Variants in ZNF618 observed in about 807,000 individuals in gnomAD.
ZNF618 encodes neural precursor cell expressed, developmentally down-regulated 10.
ZNF618 carries 34 observed loss-of-function variants against 103.0 expected under a neutral mutation model. The ratio of observed to expected loss-of-function variants is 0.33; its 90% confidence interval spans 0.25 to 0.44. The LOEUF (loss-of-function observed/expected upper bound fraction) is 0.44, where lower values mean the gene tolerates loss of function less well. Among genes scored for constraint, ZNF618 ranks in the 20% least tolerant of loss-of-function variants. The pLI, the probability that ZNF618 is intolerant of heterozygous loss-of-function variation, is 1.00. For missense variants in ZNF618, 1,059 were observed against 1,295.4 expected (o/e 0.82, Z 2.80); for synonymous variants, 551 against 542.2 (o/e 1.02, Z -0.23).
chr9:113,910,105 C>A (rs536313077), intron 1 of ZNF618, among the ~76,000 whole-genome samples: 1 of 152,014 alleles, frequency 6.6e-6, no homozygotes, highest in Admixed American at 6.6e-5. Flanking sequence ...ATGAACTCAC[C>A]ACTCCCCGCC....
At chr9:114,006,273 CAG>C (rs1289271519) in intron 6 of ZNF618, among the ~76,000 whole-genome samples, 2 of 152,228 alleles carry the variant, frequency 1.3e-5, no homozygotes, top group South Asian at 2.1e-4. Context: ...CTTATTCAGA[CAG>C]AGAAGGGCCA....
intron 6 of ZNF618, among the ~76,000 whole-genome samples, chr9:114,004,575 G>A (rs1198934532): frequency 6.6e-6 from 1 of 152,212 alleles, no homozygotes; most frequent in Non-Finnish European, 1.5e-5. Context: ...CTGTAGCGGG[G>A]GTATTTTTAG....
At chr9:114,021,864 C>T (rs1375106623) in intron 10 of ZNF618, among the ~76,000 whole-genome samples, 2 of 152,062 alleles carry the variant, frequency 1.3e-5, no homozygotes, top group Non-Finnish European at 2.9e-5. Context: ...GGTCTGGCTT[C>T]TTTCACTCTG....
intron 1 of ZNF618, among the ~76,000 whole-genome samples, chr9:113,916,880 C>T (rs1357986563): frequency 6.6e-6 from 1 of 152,166 alleles, no homozygotes; most frequent in Non-Finnish European, 1.5e-5. Flanking sequence ...AGCAATGGTA[C>T]CTTCTTAAGA....
intron 1 of ZNF618, among the ~76,000 whole-genome samples, chr9:113,914,377 T>C (rs916796340): frequency 7.9e-5 from 12 of 152,186 alleles, no homozygotes; most frequent in African/African-American, 2.9e-4. Context: ...TATAGGCACC[T>C]TGGGGCTCTC....
At chr9:113,951,605 A>ATG (rs150077171) in intron 1 of ZNF618, among the ~76,000 whole-genome samples, 29,293 of 71,036 alleles carry the variant, frequency 0.41, 10,475 homozygotes, top group East Asian at 0.6. Context: ...GTGTATATAT[A>ATG]TGTATATATA....
At chr9:113,909,792 T>G (rs1352405618) in intron 1 of ZNF618, among the ~76,000 whole-genome samples, 1 of 151,604 alleles carries the variant, frequency 6.6e-6, no homozygotes, top group Non-Finnish European at 1.5e-5. Flanking sequence ...TTTGTTTGTT[T>G]TTTTTTTTTT....
chr9:114,049,452 G>A lies in ZNF618; in HGVS notation c.2150G>A (p.Arg717Gln), dbSNP rs758292321. ...GAGCAGATCTGCGAGTTCTACAGCC[G>A]GGCCAAGAAGATGAACCTCATCCAG... is the stretch of plus-strand genomic sequence containing the variant. Reference protein sequence around the residue: ...RYEQICEFYSRAKKMNLIQSL... With the variant: ...RYEQICEFYSQAKKMNLIQSL... The change falls in exon 15 of 15, where the codon CGG becomes CAG. Residue 717 changes from arginine (R) to glutamine (Q), a missense_variant. Arg to Gln is a conservative substitution (Grantham distance 43, BLOSUM62 1). Transcript: ENST00000374126. 8.1e-6 allele frequency: 13 copies of A among 1,608,848 alleles called. No homozygotes were observed. The highest frequency in any genetic ancestry group is 4.4e-5 in the South Asian group (4 of 90,172).
chr9:113,928,506 G>A (rs543163062), intron 1 of ZNF618, among the ~76,000 whole-genome samples: 1 of 152,140 alleles, frequency 6.6e-6, no homozygotes, highest in African/African-American at 2.4e-5. Flanking sequence ...CAGACCTGAC[G>A]TATCTATTAA....
chr9:113,898,376 T>C (rs554254762), intron 1 of ZNF618, among the ~76,000 whole-genome samples: 1 of 152,198 alleles, frequency 6.6e-6, no homozygotes, highest in Non-Finnish European at 1.5e-5. Context: ...GTGTTTGGCA[T>C]GTTTGGCTTG....
intron 1 of ZNF618, among the ~76,000 whole-genome samples, chr9:113,928,083 C>A (rs1833257354): frequency 6.6e-6 from 1 of 152,128 alleles, no homozygotes; most frequent in African/African-American, 2.4e-5. Context: ...GGAATGGAAA[C>A]CAGAAGTTTG....
chr9:114,022,555 G>A (rs7041372), intron 10 of ZNF618, among the ~76,000 whole-genome samples: 2,445 of 130,630 alleles, frequency 0.019, 65 homozygotes, highest in African/African-American at 0.067. Context: ...TAAGTTTTAT[G>A]ACCTACCTTA....
intron 1 of ZNF618, among the ~76,000 whole-genome samples, chr9:113,947,012 G>A (rs550576653): frequency 3.7e-4 from 56 of 152,160 alleles, no homozygotes; most frequent in African/African-American, 1.3e-3. Context: ...CTGTTTTGGG[G>A]ACGACACAGA....
At chr9:113,970,698 A>G (rs911091863) in intron 2 of ZNF618, among the ~76,000 whole-genome samples, 1 of 151,668 alleles carries the variant, frequency 6.6e-6, no homozygotes, top group East Asian at 1.9e-4. Flanking sequence ...AGTCAGTTCT[A>G]CCCTCAGGGA....
chr9:113,998,138 G>A (rs537619486), intron 3 of ZNF618, 121 bp from the exon 4 acceptor site: 6 of 873,718 alleles, frequency 6.9e-6, no homozygotes, highest in South Asian at 3.4e-5. Context: ...GGTTTTTAAC[G>A]AAGAGGTAGG....
chr9:114,005,770 G>A lies in ZNF618; in HGVS notation c.551-1580G>A, dbSNP rs373342718. Among the ~76,000 whole-genome samples the A allele has an allele frequency of 6.6e-5, 10 of 152,312 alleles. No individual in the cohort carries two copies. The East Asian group carries it at 1.7e-3, about 26-fold the overall frequency. On this transcript the variant is annotated intron_variant, in intron 6 of 14. Transcript: ENST00000374126. Reference sequence around the variant, plus strand: ...GGGAAGTTGTCTAAGTTGATTGCTGGCTACATGAAAGGATTAAAGCCTGGG... The same window carrying A: ...GGGAAGTTGTCTAAGTTGATTGCTGACTACATGAAAGGATTAAAGCCTGGG...
At chr9:113,908,347 A>T (rs564072062) in intron 1 of ZNF618, among the ~76,000 whole-genome samples, 10 of 152,196 alleles carry the variant, frequency 6.6e-5, no homozygotes, top group Non-Finnish European at 1.3e-4. Flanking sequence ...AAGCAGTTTA[A>T]AAAAATGGAG....
chr9:113,960,536 G>T (rs185575533), intron 1 of ZNF618, among the ~76,000 whole-genome samples: 2 of 152,316 alleles, frequency 1.3e-5, no homozygotes, highest in East Asian at 3.9e-4. Flanking sequence ...ACCCACACTG[G>T]TTCCATTCCA....
Position 113,934,833 on chromosome 9 carries a change from C to T in ZNF618, c.34-34284C>T, listed in dbSNP as rs115559268. 9.6e-3 allele frequency among the ~76,000 whole-genome samples: 1,462 copies of T among 152,338 alleles called. 32 individuals carry two copies. Among genetic ancestry groups the T allele is most frequent in the African/African-American group, 0.033 (1,387 of 41,570 alleles). On this transcript the variant is annotated intron_variant, in intron 1 of 14. Transcript: ENST00000374126. ...CCTTGGGCGTGAGGATGTGCCTGGC[C>T]GTGGCCCGAGCATGGAGAGGCTGGG...
Sources: allele counts gnomAD v4.1 joint callset (sites outside exome capture counted in the v4.1 genomes callset), GRCh38; gene constraint gnomAD v4.1.1; transcripts MANE v1.5; gene names NCBI Gene and HGNC (gene_info 2026-07-23, HGNC 2026-07-21).